TRHDE: variants seen among roughly 807,000 people sequenced by gnomAD.
The protein encoded by TRHDE is thyrotropin-releasing hormone-degrading ectoenzyme.
Under a neutral mutation model 125.7 loss-of-function variants are expected in TRHDE, and 72 were observed. That is an observed-to-expected ratio of 0.57 (90% CI 0.47 to 0.70). TRHDE has a LOEUF of 0.70. TRHDE is among the 30% of genes least tolerant of loss of function. The probability of loss-of-function intolerance (pLI) is 0.00; values close to 1 mark genes in which losing one functional copy is unlikely to be tolerated. For synonymous variants in TRHDE, 509 were observed against 509.1 expected (o/e 1.00, Z 0.00); for missense variants, 1,110 against 1,327.1 (o/e 0.84, Z 2.54).
At chr12:72,349,326 T>C (rs1472820885) in intron 2 of TRHDE, among the ~76,000 whole-genome samples, 3 of 152,068 alleles carry the variant, frequency 2.0e-5, no homozygotes, top group African/African-American at 7.2e-5. Flanking sequence ...ATTAGACAAA[T>C]AGATGTTCTC....
chr12:72,175,170 G>A (rs544110462), intron 2 of TRHDE, among the ~76,000 whole-genome samples: 4 of 152,282 alleles, frequency 2.6e-5, no homozygotes, highest in Non-Finnish European at 4.4e-5. Flanking sequence ...GGCTGCAGTT[G>A]TTGGCAACTA....
chr12:72,319,483 T>A (rs1355182459), intron 2 of TRHDE, among the ~76,000 whole-genome samples: 1 of 152,190 alleles, frequency 6.6e-6, no homozygotes, highest in African/African-American at 2.4e-5. Context: ...CAATACTTAA[T>A]CAAAACTTGG....
intron 2 of TRHDE, among the ~76,000 whole-genome samples, chr12:72,343,869 A>T (rs1334632465): frequency 6.6e-6 from 1 of 152,058 alleles, no homozygotes; most frequent in Non-Finnish European, 1.5e-5. Context: ...GTGTCCTGAA[A>T]TATATCATTT....
rs143489682 is a variant in TRHDE, at chr12:72,660,479, G to A, written c.3067-2573G>A. 1.2e-3 allele frequency among the ~76,000 whole-genome samples: 188 copies of A among 152,214 alleles called. 3 individuals carry two copies. In the East Asian group the frequency reaches 0.024, roughly 20 times the overall value. On this transcript the variant is annotated intron_variant, in intron 18 of 18. Coordinates refer to ENST00000261180, the MANE Select transcript of TRHDE (RefSeq NM_013381.3). ...TGCCTTCCCTGGCACTGGCATTACC[G>A]CTTGACCAAGGAGCCCTCAAACGGC...
At chr12:72,540,163 T>C (rs1055308484) in intron 6 of TRHDE, among the ~76,000 whole-genome samples, 2 of 151,800 alleles carry the variant, frequency 1.3e-5, no homozygotes, top group African/African-American at 4.8e-5. Context: ...TAAGGATTTT[T>C]GAATTTTAGC....
At chr12:72,600,766 A>C (rs1481099568) in intron 12 of TRHDE, among the ~76,000 whole-genome samples, 1 of 151,994 alleles carries the variant, frequency 6.6e-6, no homozygotes, top group Non-Finnish European at 1.5e-5. Context: ...TTGGATGACA[A>C]CACATCTATT....
chr12:72,139,541 G>A (rs1876065665), intron 2 of TRHDE, among the ~76,000 whole-genome samples: 1 of 152,138 alleles, frequency 6.6e-6, no homozygotes, highest in Non-Finnish European at 1.5e-5. Context: ...GAATAGAGAT[G>A]TCTTCAGCCA....
intron 5 of TRHDE, among the ~76,000 whole-genome samples, chr12:72,479,245 T>A (rs1191361046): frequency 1.3e-5 from 2 of 152,146 alleles, no homozygotes; most frequent in Non-Finnish European, 2.9e-5. Flanking sequence ...GAAGAATATA[T>A]AATATATACA....
At chr12:72,100,979 C>T (rs1056106415) in intron 1 of TRHDE, among the ~76,000 whole-genome samples, 6 of 152,184 alleles carry the variant, frequency 3.9e-5, no homozygotes, top group Admixed American at 2.0e-4. Context: ...AAGCTGCATG[C>T]GATGTACCCA....
At position 72,273,035 on chromosome 12, in the gene TRHDE, G is replaced by T; in HGVS notation, c.392G>T (p.Arg131Leu). 26 of 1,537,838 alleles carry T rather than the reference G, an allele frequency of 1.7e-5. No individual in the cohort carries two copies. Among genetic ancestry groups the T allele is most frequent in the Non-Finnish European group, 2.3e-5 (26 of 1,147,180 alleles). Residue 131 changes from arginine (R) to leucine (L), a missense_variant, in exon 1 of 19, where the codon CGC (arginine) becomes CTC (leucine). By Grantham distance (102) the Arg-to-Leu change is moderately radical (BLOSUM62 -2). This residue lies in a region of TRHDE where 248 missense variants were observed against 240.8 expected (regional missense o/e 1.03). Transcript: ENST00000261180. This position sits in a 1 kb window ranked among gnomAD's most constrained non-coding sequence, Gnocchi z 5.3. ...GGTGGCCCCTCAGGCTTTCCGGAGC[G>T]CGGCGGCAACGGGAGCCTCCCTGGA... ...ADGGPSGFPE[R>L]GGNGSLPGSA...
At chr12:72,627,977 T>C (rs1311729069) in intron 15 of TRHDE, among the ~76,000 whole-genome samples, 2 of 151,810 alleles carry the variant, frequency 1.3e-5, no homozygotes, top group Non-Finnish European at 2.9e-5. Context: ...TTAACTTTTC[T>C]AAAATAAGAT....
At chr12:72,378,378 A>G (rs986277584) in intron 3 of TRHDE, among the ~76,000 whole-genome samples, 4 of 152,168 alleles carry the variant, frequency 2.6e-5, no homozygotes, top group Non-Finnish European at 5.9e-5. Context: ...AAATAGCTAT[A>G]ATTTGTTGAA....
chr12:72,353,120 A>T (rs1435184622), intron 2 of TRHDE, among the ~76,000 whole-genome samples: 1 of 151,774 alleles, frequency 6.6e-6, no homozygotes, highest in East Asian at 1.9e-4. Flanking sequence ...AATGGAATAT[A>T]AATTAAATTT....
intron 2 of TRHDE, among the ~76,000 whole-genome samples, chr12:72,196,103 T>C (rs1034242436): frequency 1.3e-5 from 2 of 152,192 alleles, no homozygotes; most frequent in African/African-American, 2.4e-5. Context: ...TCTGTACCAG[T>C]ACCATGTTGT....
At chr12:72,366,178 A>G (rs1431093973) in intron 2 of TRHDE, among the ~76,000 whole-genome samples, 1 of 152,100 alleles carries the variant, frequency 6.6e-6, no homozygotes. Flanking sequence ...TCACACCTGC[A>G]AAGTTCTTTT....
At chr12:72,583,923 C>CT (rs1190363456) in intron 12 of TRHDE, among the ~76,000 whole-genome samples, 36,656 of 60,286 alleles carry the variant, frequency 0.61, 15,061 homozygotes, top group East Asian at 0.68. Context: ...GGATGACAAA[C>CT]TTTTTTTTTT....
chr12:72,216,185 G>T (rs1015725727), intron 2 of TRHDE, among the ~76,000 whole-genome samples: 32 of 152,108 alleles, frequency 2.1e-4, no homozygotes, highest in African/African-American at 7.2e-4. Context: ...AGTGAATAAG[G>T]ATAACCAAGG....
chr12:72,517,311 A>G (rs1163878840), intron 6 of TRHDE, among the ~76,000 whole-genome samples: 1 of 151,470 alleles, frequency 6.6e-6, no homozygotes, highest in Non-Finnish European at 1.5e-5. Context: ...GATTATTGCC[A>G]CAATTTCAGC....
chr12:72,658,546 T>C (rs1008605983), intron 18 of TRHDE, among the ~76,000 whole-genome samples: 1 of 152,200 alleles, frequency 6.6e-6, no homozygotes, highest in Non-Finnish European at 1.5e-5. Context: ...CGTTTGCCTT[T>C]CATATTTTCC....
Sources: allele counts gnomAD v4.1 joint callset (sites outside exome capture counted in the v4.1 genomes callset), GRCh38; gene constraint gnomAD v4.1.1; regional missense constraint gnomAD v4.1.1; non-coding constraint Gnocchi (gnomAD v3.1); transcripts MANE v1.5; gene names NCBI Gene and HGNC (gene_info 2026-07-23, HGNC 2026-07-21).